SYTL5: variants seen among roughly 807,000 people sequenced by gnomAD.
The protein encoded by SYTL5 is synaptotagmin like 5, also known as synaptotagmin-like protein 5.
Under a neutral mutation model 55.9 loss-of-function variants are expected in SYTL5, and 34 were observed. The observed-to-expected ratio is 0.61, with a 90% confidence interval of 0.46 to 0.81. The LOEUF is 0.81. SYTL5 is among the 30% of genes least tolerant of loss of function. The probability of loss-of-function intolerance (pLI) is 0.00; values close to 1 mark genes in which losing one functional copy is unlikely to be tolerated. For synonymous variants in SYTL5, 221 were observed against 188.7 expected (o/e 1.17, Z -1.40); for missense variants, 637 against 546.7 (o/e 1.17, Z -1.65).
chrX:37,972,758 A>G, the SYTL5 span, among the ~76,000 whole-genome samples: 3 of 111,468 alleles, frequency 2.7e-5, no homozygotes. Context: ...TAAGAAATAC[A>G]TTGGTTTGGT....
At chrX:37,982,087 A>G in the SYTL5 span, among the ~76,000 whole-genome samples, 1 of 112,484 alleles carries the variant, frequency 8.9e-6, no homozygotes, top group Non-Finnish European at 1.9e-5. Flanking sequence ...CCATGAGAGC[A>G]ACAAGACATG....
In SYTL5 at chrX:38,060,863, T is replaced by A. The variant is rs1442522824; in HGVS notation, c.329+6441T>A. The stretch of plus-strand genomic sequence containing the variant: ...ATTGATACAGAACTTCTGAATCAAT[T>A]GCACTAATTTTATTGGTGTAACAAT... On this transcript the variant is annotated intron_variant, in intron 3 of 16. Coordinates refer to ENST00000297875, the MANE Select transcript of SYTL5 (RefSeq NM_138780.3). Among the ~76,000 whole-genome samples, 3 of 112,165 alleles carry A rather than the reference T, an allele frequency of 2.7e-5. No homozygotes were observed. In the East Asian group the frequency reaches 8.3e-4, roughly 31 times the overall value.
the SYTL5 span, among the ~76,000 whole-genome samples, chrX:37,977,810 A>G: frequency 3.6e-5 from 4 of 109,763 alleles, no homozygotes; most frequent in Non-Finnish European, 7.6e-5. Flanking sequence ...AGGGTGACTC[A>G]CAAGCAGTAA....
the SYTL5 span, among the ~76,000 whole-genome samples, chrX:37,998,962 T>A: frequency 8.9e-6 from 1 of 112,296 alleles, no homozygotes; most frequent in Admixed American, 9.4e-5. Flanking sequence ...TTATTTATGG[T>A]GTAAAGCCAC....
At chrX:37,963,397 G>A in the SYTL5 span, among the ~76,000 whole-genome samples, 4 of 106,651 alleles carry the variant, frequency 3.8e-5, no homozygotes, top group Non-Finnish European at 7.7e-5. Flanking sequence ...CAAGTGATTC[G>A]CCTGCCTCAG....
chrX:37,897,734 G>A, the SYTL5 span, among the ~76,000 whole-genome samples: 2 of 111,247 alleles, frequency 1.8e-5, no homozygotes, highest in South Asian at 7.6e-4. Flanking sequence ...CTATAAACTG[G>A]GTAGCTTATA....
intron 1 of SYTL5, among the ~76,000 whole-genome samples, chrX:38,013,410 C>T (rs1004239460): frequency 2.7e-4 from 30 of 111,796 alleles, no homozygotes; most frequent in Non-Finnish European, 5.6e-5. Flanking sequence ...ACTGCTTATA[C>T]TGGGAAAAAT....
At chrX:38,030,402 C>T (rs1286198767) in intron 1 of SYTL5, among the ~76,000 whole-genome samples, 1 of 111,821 alleles carries the variant, frequency 8.9e-6, no homozygotes, top group African/African-American at 3.2e-5. Context: ...TGTGGTGCCT[C>T]CTCTGTTTTT....
At chrX:37,893,601 G>C in the SYTL5 span, among the ~76,000 whole-genome samples, 1 of 70,303 alleles carries the variant, frequency 1.4e-5, no homozygotes, top group Non-Finnish European at 2.3e-5. Context: ...ATTATCTATA[G>C]ATTATATATA....
intron 6 of SYTL5, among the ~76,000 whole-genome samples, chrX:38,087,968 C>A (rs1357061032): frequency 9.0e-6 from 1 of 111,639 alleles, no homozygotes; most frequent in Non-Finnish European, 1.9e-5. Flanking sequence ...TACTCAATTT[C>A]TTCATTTAAA....
rs1023489121 is a variant in SYTL5 at position 38,087,587 on chromosome X, A to T, written c.690-1859A>T. Reference sequence around the variant, plus strand: ...AGGAAGCCAGAGATCCTTTCTGCAGAGACTGTTTAGTAAAAAAGAAAAGCC... The same window carrying T: ...AGGAAGCCAGAGATCCTTTCTGCAGTGACTGTTTAGTAAAAAAGAAAAGCC... On this transcript the variant is annotated intron_variant, in intron 6 of 16. Transcript: ENST00000297875. Among the ~76,000 whole-genome samples the T allele has an allele frequency of 2.7e-5, 3 of 112,303 alleles. No individual in the cohort carries two copies. The Admixed American group carries it at 2.8e-4, about 11-fold the overall frequency.
At chrX:38,058,764 C>A (rs1350061630) in intron 3 of SYTL5, among the ~76,000 whole-genome samples, 4 of 110,694 alleles carry the variant, frequency 3.6e-5, no homozygotes, top group African/African-American at 1.3e-4. Flanking sequence ...TATAACAAAC[C>A]TATGTCTGAT....
At chrX:37,994,053 T>C in the SYTL5 span, among the ~76,000 whole-genome samples, 1 of 109,177 alleles carries the variant, frequency 9.2e-6, no homozygotes, top group East Asian at 2.9e-4. Context: ...CCAGGTTCCT[T>C]TCAAAAAGAA....
At chrX:38,087,825 G>A (rs1463371614) in intron 6 of SYTL5, among the ~76,000 whole-genome samples, 1 of 111,051 alleles carries the variant, frequency 9.0e-6, no homozygotes, top group African/African-American at 3.3e-5. Flanking sequence ...CAGGCTTTGG[G>A]TAGACTGACA....
chrX:38,081,294 G>A (rs182621794), intron 6 of SYTL5, among the ~76,000 whole-genome samples: 92 of 111,782 alleles, frequency 8.2e-4, no homozygotes, highest in African/African-American at 2.9e-3. Flanking sequence ...ATGGTGGCCT[G>A]AGAAAAGTGA....
At chrX:37,997,719 G>A in the SYTL5 span, among the ~76,000 whole-genome samples, 3 of 112,557 alleles carry the variant, frequency 2.7e-5, no homozygotes, top group Non-Finnish European at 5.6e-5. Context: ...GGCAGCAGGA[G>A]GCAGACAGGT....
At position 38,126,368 on chromosome X, in the gene SYTL5, G is replaced by T. The variant is rs543212366; in HGVS notation, c.2051-220G>T. ...AGTAGGGAGGAAGTGAGTCACCAGG[G>T]CCACCCCGATTTGCCTCATATGGCC... is the stretch of plus-strand genomic sequence containing the variant. On this transcript the variant is annotated intron_variant, in intron 16 of 16. Transcript: ENST00000297875. Among the ~76,000 whole-genome samples, 41 of 112,095 alleles carry T rather than the reference G, an allele frequency of 3.7e-4. No homozygotes were observed. The South Asian group carries it at 0.015, about 41-fold the overall frequency.
Position 38,073,664 on chromosome X carries a change from A to G in SYTL5, c.520A>G (p.Lys174Glu). The G allele has an allele frequency of 1.7e-6, 2 of 1,199,731 alleles. No individual in the cohort carries two copies. The highest frequency in any genetic ancestry group is 2.2e-6 in the Non-Finnish European group (2 of 889,187). Reference protein sequence around the residue: ...EKSDTSPVAGKKASHDGPKRK... With the variant: ...EKSDTSPVAGEKASHDGPKRK... ...GTCAGACACTTCACCTGTTGCTGGG[A>G]AGAAGGCCAGCCATGATGGGCCCAA... The change falls in exon 5 of 17, where the codon AAG (lysine) becomes GAG (glutamate). Residue 174 changes from lysine to glutamate, a missense_variant. Coordinates refer to ENST00000297875, the MANE Select transcript of SYTL5 (RefSeq NM_138780.3).
chrX:37,950,657 T>C, the SYTL5 span, among the ~76,000 whole-genome samples: 1 of 111,302 alleles, frequency 9.0e-6, no homozygotes, highest in African/African-American at 3.3e-5. Context: ...TGAAATTACC[T>C]TTAATGTATG....
Sources: gnomAD v4.1 joint callset for allele counts (sites outside exome capture counted in the v4.1 genomes callset) on GRCh38, gnomAD v4.1.1 for gene constraint, MANE v1.5 for transcripts, NCBI Gene and HGNC (gene_info 2026-07-23, HGNC 2026-07-21) for gene names.